ATP11B: variants seen among roughly 807,000 people sequenced by gnomAD.
ATP11B encodes phospholipid-transporting ATPase IF.
ATP11B carries 81 observed loss-of-function variants against 157.8 expected under a neutral mutation model. The ratio of observed to expected loss-of-function variants is 0.51; its 90% CI spans 0.43 to 0.62. The LOEUF (loss-of-function observed/expected upper bound fraction) is 0.62. ATP11B is among the 20% of genes least tolerant of loss of function. The pLI is 0.00. For missense variants in ATP11B, 1,165 were observed against 1,402.2 expected, an observed-to-expected ratio of 0.83 and a Z score of 2.70; for synonymous variants, 451 against 469.4, an observed-to-expected ratio of 0.96 and a Z score of 0.51.
chr3:182,906,291 A>G (rs560270942), intron 28 of ATP11B, among the ~76,000 whole-genome samples: 1 of 152,268 alleles, frequency 6.6e-6, no homozygotes, highest in African/African-American at 2.4e-5. Context: ...TTGAAGTTGT[A>G]GTTGTGTATC....
In ATP11B at chr3:182,855,667, C is replaced by T. The variant is rs1665587426; in HGVS notation, c.852-2211C>T. Among the ~76,000 whole-genome samples the T allele has an allele frequency of 2.6e-5, 4 of 152,092 alleles. No individual in the cohort carries two copies. In the South Asian group the frequency reaches 8.3e-4, roughly 31 times the overall value. ...TATGTTTAGAAACATAAAGAACTCT[C>T]AAACTCAATAGTAATTCAGTGATCC... On this transcript the variant is annotated intron_variant, in intron 10 of 29. Coordinates refer to ENST00000323116, the MANE Select transcript of ATP11B (RefSeq NM_014616.3).
intron 12 of ATP11B, among the ~76,000 whole-genome samples, chr3:182,863,731 CAA>C (rs902822181): frequency 2.4e-4 from 37 of 151,690 alleles, no homozygotes; most frequent in African/African-American, 8.7e-4. Context: ...ACTTTTAAAT[CAA>C]AGTTAATTTA....
intron 29 of ATP11B, chr3:182,916,487 G>T (rs1203646385): frequency 2.0e-6 from 2 of 985,168 alleles, no homozygotes; most frequent in African/African-American, 1.7e-5. Flanking sequence ...ATCCCATATT[G>T]CAAGCTCAGT....
chr3:182,798,663 A>T (rs1415958786), intron 1 of ATP11B, among the ~76,000 whole-genome samples: 2 of 152,202 alleles, frequency 1.3e-5, no homozygotes, highest in African/African-American at 4.8e-5. Context: ...ATTGTCATTA[A>T]ATGTTTTCTA....
At chr3:182,846,248 T>C (rs187245769) in intron 9 of ATP11B, among the ~76,000 whole-genome samples, 4 of 151,988 alleles carry the variant, frequency 2.6e-5, no homozygotes, top group Admixed American at 2.0e-4. Context: ...ACCTGTACTA[T>C]ATCTTATCTC....
In ATP11B at chr3:182,921,276, G is replaced by A. The variant is rs564811959; in HGVS notation, c.*3172G>A. Reference sequence around the variant, plus strand: ...ATGTTTTATTAATTTTGGTCCCCACGTACAGACATTTTATTTCTATTTTGA... The same window carrying A: ...ATGTTTTATTAATTTTGGTCCCCACATACAGACATTTTATTTCTATTTTGA... On this transcript the variant is annotated 3_prime_UTR_variant, in exon 30 of 30. Transcript: ENST00000323116. 20 of 152,150 alleles carry A rather than the reference G, an allele frequency of 1.3e-4. No homozygotes were observed. Among genetic ancestry groups the A allele is most frequent in the South Asian group, 4.1e-4 (2 of 4,820 alleles). The allele number at this position is 152,150 out of a possible 1,614,324, so 9.4% of individuals were successfully genotyped here. A position where few individuals can be genotyped will look rare whatever the true frequency, so the allele number is the denominator to read the frequency against.
chr3:182,865,429 A>G, intron 12 of ATP11B, 27 bp from the exon 13 acceptor site: 1 of 1,604,050 alleles, frequency 6.2e-7, no homozygotes, highest in Non-Finnish European at 8.5e-7. Flanking sequence ...ACAAAGGTTT[A>G]TTTTCTTTTG....
rs1230403623 is a variant in ATP11B at position 182,874,009 on chromosome 3, C to T, written c.2246C>T (p.Ala749Val). ...TGTGCTGAACAATTGAGGCAGCTTG[C>T]CAGAAGGTAAGAATATAGGAACCTG... ...SECAEQLRQL[A>V]RRITEDHVIQ... The change falls in exon 19 of 30, where the codon GCC becomes GTC. Residue 749 changes from alanine (A) to valine (V), a missense_variant. Physicochemically the swap from Ala to Val is moderately conservative, Grantham distance 64. This residue lies in a region of ATP11B where 737 missense variants were observed against 930.5 expected (regional missense o/e 0.79). Coordinates refer to ENST00000323116, the MANE Select transcript of ATP11B (RefSeq NM_014616.3). The T allele has an allele frequency of 3.1e-6, 5 of 1,613,454 alleles. No individual in the cohort carries two copies. In the East Asian group the frequency reaches 1.1e-4, roughly 36 times the overall value.
intron 12 of ATP11B, among the ~76,000 whole-genome samples, chr3:182,865,118 G>A (rs1323294216): frequency 6.6e-6 from 1 of 151,968 alleles, no homozygotes; most frequent in African/African-American, 2.4e-5. Flanking sequence ...CTGCTTTAGA[G>A]ATAATTCTTA....
At chr3:182,874,461 C>T (rs969452848) in intron 19 of ATP11B, among the ~76,000 whole-genome samples, 1 of 151,922 alleles carries the variant, frequency 6.6e-6, no homozygotes, top group Non-Finnish European at 1.5e-5. Flanking sequence ...AGTATATGGC[C>T]ATCATGTCAA....
At chr3:182,815,041 A>G (rs982294477) in intron 1 of ATP11B, among the ~76,000 whole-genome samples, 1 of 152,122 alleles carries the variant, frequency 6.6e-6, no homozygotes, top group African/African-American at 2.4e-5. Flanking sequence ...GAGATGAGCT[A>G]CCTTTAGTAA....
Position 182,920,558 on chromosome 3 carries a change from A to G in ATP11B, c.*2454A>G, listed in dbSNP as rs1725414332. ...ATAATTAACTTACCCTTATCTGCCA[A>G]AACCAGAGCAAAATGCTAAATACGT... is the stretch of plus-strand genomic sequence containing the variant. On this transcript the variant is annotated 3_prime_UTR_variant, in exon 30 of 30. Coordinates refer to ENST00000323116, the MANE Select transcript of ATP11B (RefSeq NM_014616.3). The G allele has an allele frequency of 6.6e-6, 1 of 152,198 alleles. No individual in the cohort carries two copies. Among genetic ancestry groups the G allele is most frequent in the Admixed American group, 6.5e-5 (1 of 15,278 alleles). The allele number at this position is 152,198 out of a possible 1,614,324, so 9.4% of individuals were successfully genotyped here.
At chr3:182,830,058 T>C (rs901579208) in intron 4 of ATP11B, 1 of 576,526 alleles carries the variant, frequency 1.7e-6, no homozygotes, top group Non-Finnish European at 2.2e-6. Flanking sequence ...ATTATAATCA[T>C]CTTTGTAGAG....
At chr3:182,821,634 C>T (rs1358514317) in intron 2 of ATP11B, among the ~76,000 whole-genome samples, 1 of 152,022 alleles carries the variant, frequency 6.6e-6, no homozygotes, top group African/African-American at 2.4e-5. Context: ...TGGAATTGTC[C>T]CATATGATGG....
At chr3:182,805,909 A>C (rs983073427) in intron 1 of ATP11B, among the ~76,000 whole-genome samples, 3 of 152,166 alleles carry the variant, frequency 2.0e-5, no homozygotes, top group Non-Finnish European at 4.4e-5. Context: ...ACTTCTTTTT[A>C]AACTCAATGT....
At chr3:182,829,853 A>G in intron 4 of ATP11B, 101 bp downstream of exon 4, 5 of 1,411,412 alleles carry the variant, frequency 3.5e-6, no homozygotes, top group Non-Finnish European at 3.8e-6. Context: ...AATAATTTCC[A>G]TAAGAAAGCA....
At chr3:182,900,538 C>T (rs1723881942) in intron 28 of ATP11B, among the ~76,000 whole-genome samples, 2 of 152,024 alleles carry the variant, frequency 1.3e-5, no homozygotes, top group Admixed American at 1.3e-4. Flanking sequence ...GACTTTTCCA[C>T]TCTGCAATAT....
intron 19 of ATP11B, among the ~76,000 whole-genome samples, chr3:182,878,660 C>T (rs1299823141): frequency 6.6e-6 from 1 of 152,158 alleles, no homozygotes; most frequent in East Asian, 1.9e-4. Context: ...TAGCATATGC[C>T]CACATGTGAG....
chr3:182,860,684 A>C (rs73883920), intron 12 of ATP11B, among the ~76,000 whole-genome samples: 3,600 of 151,964 alleles, frequency 0.024, 148 homozygotes, highest in African/African-American at 0.084. Flanking sequence ...TTCAGTTTTT[A>C]TTTATTTGTT....
Sources: gnomAD v4.1 joint callset for allele counts (sites outside exome capture counted in the v4.1 genomes callset) on GRCh38, gnomAD v4.1.1 for gene constraint, gnomAD v4.1.1 regional missense constraint, MANE v1.5 for transcripts, NCBI Gene and HGNC (gene_info 2026-07-23, HGNC 2026-07-21) for gene names.